The following CFAP46 variants were observed in gnomAD, a reference collection of about 807,000 sequenced individuals.
CFAP46 encodes cilia- and flagella-associated protein 46.
In CFAP46, 245 loss-of-function variants were observed where a neutral mutation model predicts 325.7. The observed-to-expected ratio is 0.75, with a 90% CI of 0.68 to 0.84. The LOEUF (loss-of-function observed/expected upper bound fraction) is 0.84, where lower values mean the gene tolerates loss of function less well. CFAP46 is among the 40% of genes least tolerant of loss of function. The pLI, the probability that CFAP46 is intolerant of heterozygous loss-of-function variation, is 0.00. For synonymous variants in CFAP46, 1,523 were observed against 1,495.9 expected (o/e 1.02, Z -0.42); for missense variants, 3,346 against 3,543.0 (o/e 0.94, Z 1.41).
intron 50 of CFAP46, among the ~76,000 whole-genome samples, chr10:132,820,440 GCTGATGTGTGCTGTGTGAGCA>G (rs1178754452): frequency 2.6e-5 from 4 of 152,224 alleles, no homozygotes; most frequent in East Asian, 3.9e-4. Context: ...GGTACACAGC[GCTGATGTGTGCTGTGTGAGCA>G]CTGATGTGTG....
intron 43 of CFAP46, 94 bp downstream of exon 43, chr10:132,846,838 T>G: frequency 7.0e-7 from 1 of 1,432,226 alleles, no homozygotes; most frequent in Non-Finnish European, 9.3e-7. Flanking sequence ...GCTTCTCTAA[T>G]GGAGTCCCCC....
chr10:132,866,604 C>T (rs1848816250), intron 34 of CFAP46, among the ~76,000 whole-genome samples: 1 of 152,192 alleles, frequency 6.6e-6, no homozygotes, highest in Non-Finnish European at 1.5e-5. Flanking sequence ...GGCTGAGCCC[C>T]TGCACTAGGA....
rs895387614 is a variant in CFAP46, at chr10:132,886,997, TCTCTCTCTCTCGC to T, written c.3305-1051_3305-1039del. On this transcript the variant is annotated intron_variant, in intron 25 of 57. Coordinates refer to ENST00000368586, the MANE Select transcript of CFAP46 (RefSeq NM_001200049.3). This position sits in a 1 kb window ranked among gnomAD's most constrained non-coding sequence, Gnocchi z 5.8. Reference sequence around the variant, plus strand: ...AGGATCTGTCTTCTCTCTTTTCTCTTCTCTCTCTCTCGCCTCTCTCTCTGCTCTCTTCTCTCTT... The same window carrying T: ...AGGATCTGTCTTCTCTCTTTTCTCTTCTCTCTCTCTGCTCTCTTCTCTCTT... Among the ~76,000 whole-genome samples the T allele has an allele frequency of 1.3e-5, 2 of 151,672 alleles. No individual in the cohort carries two copies. The highest frequency in any genetic ancestry group is 6.6e-5 in the Admixed American group (1 of 15,242).
rs1465224916 is a variant in CFAP46 at position 132,876,380 on chromosome 10, G to A, written c.4362+432C>T. 6.6e-6 allele frequency among the ~76,000 whole-genome samples: 1 copy of A among 152,212 alleles called. No individual in the cohort carries two copies. On this transcript the variant is annotated intron_variant, in intron 31 of 57. Coordinates refer to ENST00000368586, the MANE Select transcript of CFAP46 (RefSeq NM_001200049.3). The surrounding 1 kb of genome is among the most constrained non-coding windows in gnomAD (Gnocchi z 4.1). ...TGATCCACACAAAAGAGGAGGCCAC[G>A]TGACCACAGAGGCTGACCGGGATGA...
chr10:132,892,225 G>A, intron 25 of CFAP46, 108 bp downstream of exon 25: 1 of 987,438 alleles, frequency 1.0e-6, no homozygotes, highest in Non-Finnish European at 1.5e-6. Context: ...CTGCCAAGTG[G>A]CTTCACGTCA....
chr10:132,926,184 C>A (rs1849807199), intron 10 of CFAP46, among the ~76,000 whole-genome samples: 1 of 152,236 alleles, frequency 6.6e-6, no homozygotes, highest in South Asian at 2.1e-4. Flanking sequence ...CATTAGGACG[C>A]CTTCCCGGAC....
At chr10:132,837,038 C>T in intron 44 of CFAP46, 124 bp from the exon 45 acceptor site, 1 of 737,262 alleles carries the variant, frequency 1.4e-6, no homozygotes, top group Non-Finnish European at 2.3e-6. Context: ...CCCTTCCTGC[C>T]CGAGGCTGGG....
Position 132,919,534 on chromosome 10 carries a change from G to T in CFAP46, c.1731-92C>A. ...ACCTGGGCTGGCTGCCTGAGAAAAG[G>T]CCACTGTGGCTCTGCAGTTTCAAGG... On this transcript the variant is annotated intron_variant, in intron 14 of 57. Transcript: ENST00000368586. This position sits in a 1 kb window ranked among gnomAD's most constrained non-coding sequence, Gnocchi z 9.7. 6.9e-7 allele frequency: 1 copy of T among 1,449,644 alleles called. No homozygotes were observed. The highest frequency in any genetic ancestry group is 9.2e-7 in the Non-Finnish European group (1 of 1,092,042). The allele number at this position is 1,449,644 out of a possible 1,614,324, so 89.8% of individuals were successfully genotyped here.
intron 40 of CFAP46, 65 bp from the exon 41 acceptor site, chr10:132,850,497 C>A: frequency 7.0e-7 from 1 of 1,432,336 alleles, no homozygotes. Flanking sequence ...GCCCAGGGGA[C>A]CCAGTGAGCC....
chr10:132,829,295 CTAAT>C (rs1848111178), intron 50 of CFAP46, among the ~76,000 whole-genome samples: 1 of 152,192 alleles, frequency 6.6e-6, no homozygotes, highest in Non-Finnish European at 1.5e-5. Context: ...AAACTTATCC[CTAAT>C]TATTTCCTGG....
chr10:132,887,157 CCTCT>C (rs765990315), intron 25 of CFAP46, among the ~76,000 whole-genome samples: 2 of 42,412 alleles, frequency 4.7e-5, no homozygotes, highest in African/African-American at 2.6e-4. Context: ...TTCTCTCTCT[CCTCT>C]CTCTTCTTTC....
chr10:132,862,441 T>A (rs952116537), intron 35 of CFAP46, among the ~76,000 whole-genome samples: 1 of 3,376 alleles, frequency 3.0e-4, no homozygotes. Context: ...ACAGGGTGGG[T>A]GGGGCGGGGT....
In CFAP46 at chr10:132,938,505, C is replaced by T; in HGVS notation, c.536+84G>A. 9.1e-6 allele frequency: 11 copies of T among 1,203,638 alleles called. 1 individual carries two copies. Among genetic ancestry groups the T allele is most frequent in the South Asian group, 4.1e-5 (3 of 72,864 alleles). The allele number at this position is 1,203,638 out of a possible 1,614,324, so 74.6% of individuals were successfully genotyped here. On this transcript the variant is annotated intron_variant, in intron 5 of 57. Coordinates refer to ENST00000368586, the MANE Select transcript of CFAP46 (RefSeq NM_001200049.3). ...GCCCCAGTGATGTGGAACTCCCGTC[C>T]CCCCCCCGGAGAAGGGGTGGTGGCC...
chr10:132,822,285 G>GTGT (rs1362616339), intron 50 of CFAP46, among the ~76,000 whole-genome samples: 1 of 90,564 alleles, frequency 1.1e-5, no homozygotes, highest in African/African-American at 3.8e-5. Context: ...TGTGAGTGCT[G>GTGT]GTGTGCTGAT....
intron 35 of CFAP46, among the ~76,000 whole-genome samples, chr10:132,862,543 T>C (rs1265671673): frequency 2.6e-5 from 4 of 151,490 alleles, no homozygotes; most frequent in Non-Finnish European, 4.4e-5. Flanking sequence ...AGTACAACAA[T>C]AGTCACAACC....
At position 132,909,932 on chromosome 10, in the gene CFAP46, C is replaced by T; in HGVS notation, c.2636G>A (p.Gly879Asp). 6.7e-7 allele frequency: 1 copy of T among 1,490,712 alleles called. No individual in the cohort carries two copies. The highest frequency in any genetic ancestry group is 8.9e-7 in the Non-Finnish European group (1 of 1,121,626). The allele number at this position is 1,490,712 out of a possible 1,614,324, so 92.3% of individuals were successfully genotyped here. ...LLQQQIGPRLGTEEQGTNEDV... is the reference protein window; with the variant it reads ...LLQQQIGPRLDTEEQGTNEDV... ...AGGGGCGCCCACCTGCTCCTCGGTG[C>T]CCAGCCGTGGCCCAATCTGCTGCTG... is the stretch of plus-strand genomic sequence containing the variant. Residue 879 changes from glycine (G) to aspartate (D), a missense_variant, in exon 20 of 58, where the codon GGC becomes GAC. Physicochemically the swap from Gly to Asp is moderately conservative, Grantham distance 94. Transcript: ENST00000368586.
intron 54 of CFAP46, among the ~76,000 whole-genome samples, 161 bp from the exon 55 acceptor site, chr10:132,813,058 T>C (rs566974882): frequency 6.6e-6 from 1 of 152,266 alleles, no homozygotes; most frequent in African/African-American, 2.4e-5. Flanking sequence ...GCCTCCCTCC[T>C]CTGTGCTCTG....
At chr10:132,908,188 C>A (rs952233736) in intron 22 of CFAP46, among the ~76,000 whole-genome samples, 1 of 152,246 alleles carries the variant, frequency 6.6e-6, no homozygotes, top group Non-Finnish European at 1.5e-5. Context: ...ATGGCTGAGG[C>A]CTGTGGGAAG....
chr10:132,857,320 G>A (rs1848655837), intron 39 of CFAP46, among the ~76,000 whole-genome samples: 1 of 152,224 alleles, frequency 6.6e-6, no homozygotes, highest in Admixed American at 6.5e-5. Flanking sequence ...CTGTGACTCA[G>A]GTCACCAGCG....
Sources: gnomAD v4.1 joint callset for allele counts (sites outside exome capture counted in the v4.1 genomes callset) on GRCh38, gnomAD v4.1.1 for gene constraint, Gnocchi (gnomAD v3.1) non-coding constraint, MANE v1.5 for transcripts, NCBI Gene and HGNC (gene_info 2026-07-23, HGNC 2026-07-21) for gene names.